Variants in DHRS3 observed in about 807,000 individuals in gnomAD.
DHRS3 encodes dehydrogenase/reductase 3.
DHRS3 carries 14 observed loss-of-function variants against 27.2 expected under a neutral mutation model. The ratio of observed to expected loss-of-function variants is 0.52; its 90% confidence interval spans 0.34 to 0.81. DHRS3 has a LOEUF of 0.81. Among genes scored for constraint, DHRS3 ranks in the 30% least tolerant of loss-of-function variants. The pLI is 0.01. For missense variants in DHRS3, 322 were observed against 406.2 expected (o/e 0.79, Z 1.78); for synonymous variants, 165 against 175.9 (o/e 0.94, Z 0.49).
rs1181296477 is a variant in DHRS3 at position 12,593,197 on chromosome 1, C to A, written c.196-12531G>T. On this transcript the variant is annotated intron_variant, in intron 1 of 5. Transcript: ENST00000616661. This position sits in a 1 kb window ranked among gnomAD's most constrained non-coding sequence, Gnocchi z 4.6. ...ATCTAGTGTTTACTGGGATCGCAGG[C>A]CCTTCCTGGTCTGCCCCATCCCTCG... 6.6e-6 allele frequency among the ~76,000 whole-genome samples: 1 copy of A among 152,142 alleles called. No individual in the cohort carries two copies. The highest frequency in any genetic ancestry group is 6.5e-5 in the Admixed American group (1 of 15,286).
chr1:12,611,393 T>C (rs1158463176), intron 1 of DHRS3, among the ~76,000 whole-genome samples: 1 of 152,244 alleles, frequency 6.6e-6, no homozygotes, highest in Non-Finnish European at 1.5e-5. Context: ...GGGTCCCTTA[T>C]TCCTTTAGAA....
intron 1 of DHRS3, among the ~76,000 whole-genome samples, chr1:12,595,207 C>G (rs1266308991): frequency 1.3e-5 from 2 of 152,164 alleles, no homozygotes; most frequent in Non-Finnish European, 2.9e-5. Context: ...GCCCAGTTTC[C>G]AATAACAAAG....
intron 4 of DHRS3, among the ~76,000 whole-genome samples, chr1:12,575,954 G>A (rs1310039558): frequency 1.3e-5 from 2 of 152,028 alleles, no homozygotes; most frequent in Non-Finnish European, 2.9e-5. Flanking sequence ...TGACCTGCCC[G>A]CCTTGGCCTC....
chr1:12,604,333 T>C (rs545733398), intron 1 of DHRS3, among the ~76,000 whole-genome samples: 4 of 152,238 alleles, frequency 2.6e-5, no homozygotes, highest in Admixed American at 6.5e-5. Context: ...TCACACTGGT[T>C]GTCAAATGAA....
intron 1 of DHRS3, among the ~76,000 whole-genome samples, chr1:12,588,289 C>G (rs748772099): frequency 6.6e-6 from 1 of 152,210 alleles, no homozygotes; most frequent in Non-Finnish European, 1.5e-5. Flanking sequence ...ATCTGTTGAG[C>G]AGTTGCCATG....
At chr1:12,609,443 AC>A (rs1247353469) in intron 1 of DHRS3, among the ~76,000 whole-genome samples, 2 of 151,908 alleles carry the variant, frequency 1.3e-5, no homozygotes, top group Non-Finnish European at 2.9e-5. Flanking sequence ...CAACAGTGGC[AC>A]CCCGGACTGC....
intron 1 of DHRS3, among the ~76,000 whole-genome samples, chr1:12,589,447 G>A (rs559235401): frequency 6.8e-6 from 1 of 147,186 alleles, no homozygotes; most frequent in East Asian, 2.0e-4. Context: ...GGAGTGCAGT[G>A]GCGCGATCTC....
intron 1 of DHRS3, among the ~76,000 whole-genome samples, chr1:12,606,301 CAATT>C (rs1392386393): frequency 2.3e-5 from 2 of 88,070 alleles, no homozygotes; most frequent in Admixed American, 2.9e-4. Context: ...AGAGGACTGA[CAATT>C]AACAGCAAAA....
intron 4 of DHRS3, among the ~76,000 whole-genome samples, chr1:12,577,305 A>G (rs1356234184): frequency 6.6e-6 from 1 of 152,188 alleles, no homozygotes; most frequent in East Asian, 1.9e-4. Flanking sequence ...GTTCCCTGCC[A>G]GATTCCACTT....
intron 1 of DHRS3, among the ~76,000 whole-genome samples, chr1:12,607,098 GA>G (rs1368543349): frequency 2.6e-5 from 4 of 152,170 alleles, no homozygotes; most frequent in Non-Finnish European, 5.9e-5. Flanking sequence ...AACTTTAACA[GA>G]AAAACACCCA....
At chr1:12,616,509 G>A in intron 1 of DHRS3, 1 of 968,016 alleles carries the variant, frequency 1.0e-6, no homozygotes, top group Non-Finnish European at 1.2e-6. Flanking sequence ...CTGGGGGGGA[G>A]GGGACAGGGT....
intron 1 of DHRS3, chr1:12,600,515 G>T: frequency 2.2e-6 from 1 of 444,918 alleles, no homozygotes; most frequent in Non-Finnish European, 3.0e-6. Context: ...CCATGTGGGT[G>T]TGTCTGGCAG....
At chr1:12,573,279 C>A (rs556965218) in intron 4 of DHRS3, among the ~76,000 whole-genome samples, 2 of 152,370 alleles carry the variant, frequency 1.3e-5, no homozygotes, top group East Asian at 3.9e-4. Flanking sequence ...CTCTCAACAG[C>A]CTGGCTCTCT....
chr1:12,597,340 G>C (rs568460629), intron 1 of DHRS3, among the ~76,000 whole-genome samples: 5 of 152,164 alleles, frequency 3.3e-5, no homozygotes, highest in African/African-American at 1.2e-4. Flanking sequence ...GCCTTCCAAA[G>C]TGTTGGGATT....
Position 12,606,311 on chromosome 1 carries a change from C to CAAAAAAAAAAAAAAAAAAAAAAAA in DHRS3, c.195+10842_195+10843insTTTTTTTTTTTTTTTTTTTTTTTT, listed in dbSNP as rs56928608. On this transcript the variant is annotated intron_variant, in intron 1 of 5. Transcript: ENST00000616661. The stretch of plus-strand genomic sequence containing the variant: ...ACTGAAGAGGACTGACAATTAACAG[C>CAAAAAAAAAAAAAAAAAAAAAAAA]AAAAAAAAAAAAAAAAAAGCCAATA... 2.0e-5 allele frequency among the ~76,000 whole-genome samples: 2 copies of CAAAAAAAAAAAAAAAAAAAAAAAA among 98,248 alleles called. 1 individual carries two copies. The highest frequency in any genetic ancestry group is 3.9e-5 in the Non-Finnish European group (2 of 51,216). The allele number at this position is 98,248 out of a possible 152,430, so 64.5% of individuals were successfully genotyped here.
chr1:12,585,380 T>A (rs1646688332), intron 1 of DHRS3, among the ~76,000 whole-genome samples: 1 of 98,394 alleles, frequency 1.0e-5, no homozygotes, highest in Non-Finnish European at 2.5e-5. Flanking sequence ...TGTGTGAGTG[T>A]GTGTCTGTGT....
At chr1:12,577,993 G>A (rs1434729882) in intron 4 of DHRS3, among the ~76,000 whole-genome samples, 1 of 152,094 alleles carries the variant, frequency 6.6e-6, no homozygotes, top group Non-Finnish European at 1.5e-5. Context: ...TCCCTCCCAG[G>A]TTACACCCCC....
At chr1:12,570,841 C>T (rs548817187) in intron 5 of DHRS3, among the ~76,000 whole-genome samples, 2 of 152,304 alleles carry the variant, frequency 1.3e-5, no homozygotes, top group African/African-American at 4.8e-5. Flanking sequence ...GGCCTGGATG[C>T]CCCTGGGTGC....
At chr1:12,582,246 A>G (rs1646650834) in intron 1 of DHRS3, among the ~76,000 whole-genome samples, 1 of 152,222 alleles carries the variant, frequency 6.6e-6, no homozygotes, top group Admixed American at 6.5e-5. Context: ...TTAAGCAGAG[A>G]GGGCACAAAA....
Sources: allele counts gnomAD v4.1 joint callset (sites outside exome capture counted in the v4.1 genomes callset), GRCh38; gene constraint gnomAD v4.1.1; non-coding constraint Gnocchi (gnomAD v3.1); transcripts MANE v1.5; gene names NCBI Gene and HGNC (gene_info 2026-07-23, HGNC 2026-07-21).